WDPCP: variants seen among roughly 807,000 people sequenced by gnomAD.
WDPCP encodes the protein WD repeat containing planar cell polarity effector, also known as WD repeat-containing and planar cell polarity effector protein fritz homolog.
A neutral mutation model predicts 93.1 loss-of-function variants in WDPCP; 71 were observed. The observed-to-expected ratio is 0.76, with a 90% CI of 0.63 to 0.93. The LOEUF (loss-of-function observed/expected upper bound fraction) is 0.93, where lower values mean the gene tolerates loss of function less well. Among genes scored for constraint, WDPCP ranks in the 40% least tolerant of loss-of-function variants. WDPCP has a pLI of 0.00. For missense variants in WDPCP, 844 were observed against 887.4 expected (o/e 0.95, Z 0.62); for synonymous variants, 315 against 315.0 (o/e 1.00, Z 0.00).
At chr2:63,172,365 C>A (rs1455673259) in intron 15 of WDPCP, among the ~76,000 whole-genome samples, 1 of 151,880 alleles carries the variant, frequency 6.6e-6, no homozygotes, top group Non-Finnish European at 1.5e-5. Flanking sequence ...AAAATTAGCC[C>A]GGTATGGTGG....
chr2:63,466,276 T>C (rs1208850676), intron 6 of WDPCP, among the ~76,000 whole-genome samples: 6 of 152,264 alleles, frequency 3.9e-5, no homozygotes, highest in Admixed American at 3.3e-4. Context: ...TTAAGTAGTT[T>C]ATCTGCTAAG....
At chr2:63,527,035 T>C (rs1703390727) in intron 1 of WDPCP, among the ~76,000 whole-genome samples, 1 of 152,132 alleles carries the variant, frequency 6.6e-6, no homozygotes, top group Non-Finnish European at 1.5e-5. Context: ...AGAAATAACT[T>C]TTATTTTTAA....
At chr2:63,443,249 C>T (rs934405474) in intron 6 of WDPCP, 1 of 152,074 alleles carries the variant, frequency 6.6e-6, no homozygotes, top group African/African-American at 2.4e-5. Flanking sequence ...AGTGTGGACA[C>T]AGATAATAAA....
At chr2:63,677,799 G>GTTC (rs1710441874) in intron 2 of WDPCP, among the ~76,000 whole-genome samples, 1 of 152,120 alleles carries the variant, frequency 6.6e-6, no homozygotes, top group South Asian at 2.1e-4. Flanking sequence ...ATGAAAGAGT[G>GTTC]TTCTCTAGCA....
intron 6 of WDPCP, among the ~76,000 whole-genome samples, chr2:63,447,317 C>G (rs1212092517): frequency 6.6e-6 from 1 of 151,976 alleles, no homozygotes; most frequent in East Asian, 1.9e-4. Flanking sequence ...ACTTCAACTT[C>G]TTGCCTTATA....
chr2:63,588,205 G>C lies in WDPCP; in HGVS notation c.67C>G (p.Pro23Ala). Residue 23 changes from proline to alanine, a missense_variant, in exon 1 of 18, where the codon CCG (proline) becomes GCG (alanine). By Grantham distance (27) the Pro-to-Ala change is conservative. Coordinates refer to ENST00000272321, the MANE Select transcript of WDPCP (RefSeq NM_015910.7). ...AAGSRASSPLPRQDRDSFCHQ... is the reference protein window; with the variant it reads ...AAGSRASSPLARQDRDSFCHQ... ...CTCGGGCCAGGGCTCACCTGTCTCG[G>C]GAGTGGGGAAGAAGCGCGACTCCCG... is the stretch of plus-strand genomic sequence containing the variant. The C allele has an allele frequency of 6.4e-7, 1 of 1,569,372 alleles. No homozygotes were observed. The highest frequency in any genetic ancestry group is 8.7e-7 in the Non-Finnish European group (1 of 1,154,926).
chr2:63,665,416 T>C (rs1284604740), intron 2 of WDPCP, among the ~76,000 whole-genome samples: 1 of 152,230 alleles, frequency 6.6e-6, no homozygotes, highest in East Asian at 1.9e-4. Flanking sequence ...ACTCTGTGTA[T>C]GTCTGTCTCA....
intron 14 of WDPCP, among the ~76,000 whole-genome samples, chr2:63,190,524 A>T (rs1674966228): frequency 6.6e-6 from 1 of 152,070 alleles, no homozygotes; most frequent in South Asian, 2.1e-4. Context: ...ATATGTTTAA[A>T]TTGTGTTTTC....
intron 1 of WDPCP, among the ~76,000 whole-genome samples, chr2:63,816,746 T>C (rs1409002149): frequency 2.6e-5 from 4 of 152,200 alleles, no homozygotes; most frequent in African/African-American, 9.7e-5. Flanking sequence ...AATACAGGGA[T>C]ATTCCTAAAA....
chr2:63,156,737 C>CA (rs773651990), intron 15 of WDPCP, among the ~76,000 whole-genome samples: 1 of 150,980 alleles, frequency 6.6e-6, no homozygotes, highest in East Asian at 1.9e-4. Flanking sequence ...GACTCTGTCT[C>CA]AAAAAAAAGA....
chr2:63,798,273 G>A (rs1376941034), intron 2 of WDPCP, among the ~76,000 whole-genome samples: 1 of 152,094 alleles, frequency 6.6e-6, no homozygotes, highest in Admixed American at 6.6e-5. Context: ...GAAAAACGCA[G>A]ACTATTATAA....
intron 1 of WDPCP, among the ~76,000 whole-genome samples, chr2:63,587,059 G>C (rs1313763713): frequency 6.6e-6 from 1 of 152,198 alleles, no homozygotes; most frequent in Admixed American, 6.5e-5. Context: ...GCAGCTAGTA[G>C]AAGAATTCAT....
chr2:63,589,011 C>T (rs756532970), upstream of WDPCP: 2 of 1,614,084 alleles, frequency 1.2e-6, no homozygotes, highest in Non-Finnish European at 1.7e-6. Flanking sequence ...GCTCATTTTG[C>T]AGTTGTTGAA....
chr2:63,560,537 G>A (rs978773012), intron 1 of WDPCP, among the ~76,000 whole-genome samples: 6 of 152,118 alleles, frequency 3.9e-5, no homozygotes, highest in South Asian at 2.1e-4. Flanking sequence ...GTACACATAC[G>A]TTTATTGTGG....
intron 2 of WDPCP, among the ~76,000 whole-genome samples, chr2:63,786,944 GT>G (rs1489565643): frequency 2.6e-5 from 4 of 152,150 alleles, no homozygotes; most frequent in Admixed American, 6.6e-5. Flanking sequence ...ACAATAGTCA[GT>G]CAATAAATAT....
chr2:63,604,276 C>T (rs1709485732), intron 3 of WDPCP, among the ~76,000 whole-genome samples: 1 of 151,872 alleles, frequency 6.6e-6, no homozygotes, highest in Admixed American at 6.6e-5. Context: ...ATATAAAGTG[C>T]CTAAATACCT....
intron 3 of WDPCP, chr2:63,622,406 A>G: frequency 6.2e-7 from 1 of 1,613,734 alleles, no homozygotes; most frequent in Non-Finnish European, 8.5e-7. Flanking sequence ...ATTCCTGGAC[A>G]GCTCTGGAGA....
chr2:63,707,220 G>A (rs1165493992), intron 2 of WDPCP, among the ~76,000 whole-genome samples: 1 of 152,170 alleles, frequency 6.6e-6, no homozygotes, highest in Non-Finnish European at 1.5e-5. Context: ...CCTGCAGAGT[G>A]TTTTCCAACT....
chr2:63,621,877 CTTT>C (rs35631693), intron 3 of WDPCP, among the ~76,000 whole-genome samples: 11 of 149,118 alleles, frequency 7.4e-5, no homozygotes, highest in African/African-American at 2.5e-4. Context: ...ATTCAACATT[CTTT>C]TTTTTTTTTA....
Sources: gnomAD v4.1 joint callset for allele counts (sites outside exome capture counted in the v4.1 genomes callset) on GRCh38, gnomAD v4.1.1 for gene constraint, MANE v1.5 for transcripts, NCBI Gene and HGNC (gene_info 2026-07-23, HGNC 2026-07-21) for gene names.